Variants in VAV2 observed in about 807,000 individuals in gnomAD.
The protein encoded by VAV2 is guanine nucleotide exchange factor VAV2.
A neutral mutation model predicts 132.5 loss-of-function variants in VAV2; 67 were observed. That is an observed-to-expected ratio of 0.51 (90% CI 0.42 to 0.62). The LOEUF is 0.62. VAV2 is among the 20% of genes least tolerant of loss of function. VAV2 has a pLI of 0.00. For missense variants in VAV2, 938 were observed against 1,153.6 expected (o/e 0.81, Z 2.71); for synonymous variants, 492 against 443.5 (o/e 1.11, Z -1.37).
rs936853744 is a variant in VAV2, at chr9:133,768,428, G to A, written c.2589+14C>T. 2 of 1,610,968 alleles carry A rather than the reference G, an allele frequency of 1.2e-6. No homozygotes were observed. Among genetic ancestry groups the A allele is most frequent in the African/African-American group, 2.7e-5 (2 of 74,898 alleles). On this transcript the variant is annotated intron_variant, in intron 29 of 29. Transcript: ENST00000371850. The surrounding 1 kb of genome is among the most constrained non-coding windows in gnomAD (Gnocchi z 5.3). ...GCGAGGCCAGCCCCACACCCTCAGG[G>A]TGGGGCCACTCACCCGTCCGTTGGT...
At chr9:133,862,497 T>G (rs1299473226) in intron 2 of VAV2, among the ~76,000 whole-genome samples, 5 of 152,330 alleles carry the variant, frequency 3.3e-5, no homozygotes, top group Admixed American at 2.6e-4. Flanking sequence ...GTGTGACAGC[T>G]CGCGTGTGTG....
At position 133,809,087 on chromosome 9, in the gene VAV2, G is replaced by C; in HGVS notation, c.619C>G (p.Gln207Glu). 6.2e-7 allele frequency: 1 copy of C among 1,613,992 alleles called. No homozygotes were observed. The highest frequency in any genetic ancestry group is 1.3e-5 in the African/African-American group (1 of 75,058). ...CGGTAGTACTTGGCCTCGGTCTCCT[G>C]GATCTCCAGCAGGCAGCAGTTCCTC... is the stretch of plus-strand genomic sequence containing the variant. The part of the protein sequence containing the change: ...DKRNCCLLEI[Q>E]ETEAKYYRTL... The change falls in exon 7 of 30, where the codon CAG (glutamine) becomes GAG (glutamate). Residue 207 changes from glutamine (Q) to glutamate (E), a missense_variant. Coordinates refer to ENST00000371850, the MANE Select transcript of VAV2 (RefSeq NM_001134398.2).
At chr9:133,805,264 G>C (rs759339316) in intron 9 of VAV2, among the ~76,000 whole-genome samples, 1 of 152,124 alleles carries the variant, frequency 6.6e-6, no homozygotes, top group Non-Finnish European at 1.5e-5. Context: ...AGCAGACCCA[G>C]ACCCTTCCAA....
rs192061156 is a variant in VAV2, at chr9:133,844,995, C to T, written c.381-10655G>A. ...ACGCTCTGTCAGCTACTGGAAACAC[C>T]GTTCCTTTTTTTTACCTCTCCCTGA... On this transcript the variant is annotated intron_variant, in intron 3 of 29. Transcript: ENST00000371850. Among the ~76,000 whole-genome samples, 206 of 152,350 alleles carry T rather than the reference C, an allele frequency of 1.4e-3. 4 individuals carry two copies. The highest frequency in any genetic ancestry group is 0.011 in the Admixed American group (169 of 15,302).
chr9:133,853,458 C>T (rs59392029), intron 3 of VAV2, among the ~76,000 whole-genome samples: 5,256 of 152,234 alleles, frequency 0.035, 294 homozygotes, highest in African/African-American at 0.12. Context: ...CCTCTGCTGA[C>T]GCTTGCTTGT....
Position 133,991,982 on chromosome 9 carries a change from G to C in VAV2, c.204+93C>G. ...CCCGGCCGCCCCAGCCAGGGCGCCT[G>C]GGCCGCCGCCGCTGCGACCTCCGCG... On this transcript the variant is annotated intron_variant, in intron 1 of 29. Coordinates refer to ENST00000371850, the MANE Select transcript of VAV2 (RefSeq NM_001134398.2). The surrounding 1 kb of genome is among the most constrained non-coding windows in gnomAD (Gnocchi z 4.8). 3 of 1,120,672 alleles carry C rather than the reference G, an allele frequency of 2.7e-6. No homozygotes were observed. Among genetic ancestry groups the C allele is most frequent in the Non-Finnish European group, 2.2e-6 (2 of 895,550 alleles). 69.4% of individuals were successfully genotyped at this position (1,120,672 alleles called of 1,614,324 possible).
At chr9:133,967,299 C>T (rs1842173644) in intron 1 of VAV2, among the ~76,000 whole-genome samples, 4 of 152,168 alleles carry the variant, frequency 2.6e-5, no homozygotes, top group Non-Finnish European at 4.4e-5. Flanking sequence ...CACTAGTACA[C>T]TGCTGGTCAG....
chr9:133,801,822 C>A (rs1036042423), intron 9 of VAV2, among the ~76,000 whole-genome samples: 1 of 152,152 alleles, frequency 6.6e-6, no homozygotes, highest in African/African-American at 2.4e-5. Flanking sequence ...GCAGCCCCAG[C>A]CAGGAACACC....
In VAV2 at chr9:133,827,443, G is replaced by GACCACT. The variant is rs1564384503; in HGVS notation, c.449+6828_449+6829insAGTGGT. ...TGCCCACTGAGGCTGACCACTGAGT[G>GACCACT]GGGGCATCACCACCTACCGCTGCGC... On this transcript the variant is annotated intron_variant, in intron 4 of 29. Transcript: ENST00000371850. Among the ~76,000 whole-genome samples, 4 of 2,022 alleles carry GACCACT rather than the reference G, an allele frequency of 2.0e-3. 2 individuals are homozygous for GACCACT. Among genetic ancestry groups the GACCACT allele is most frequent in the Non-Finnish European group, 1.6e-3 (2 of 1,284 alleles). The allele number at this position is 2,022 out of a possible 152,430, so 1.3% of individuals were successfully genotyped here.
rs781095040 is a variant in VAV2 at position 133,788,442 on chromosome 9, T to C, written c.1319A>G (p.Lys440Arg). The change falls in exon 15 of 30, where the codon AAG (lysine) becomes AGG (arginine). Residue 440 changes from lysine to arginine, a missense_variant. Coordinates refer to ENST00000371850, the MANE Select transcript of VAV2 (RefSeq NM_001134398.2). This position sits in a 1 kb window ranked among gnomAD's most constrained non-coding sequence, Gnocchi z 5.3. The part of the protein sequence containing the change: ...FDKVVIVCKR[K>R]GYSYELKEII... ...CTCCTTGAGCTCGTAGCTGTAGCCC[T>C]TCCGCTTGCAGACGATGACCACCTT... 6.2e-7 allele frequency: 1 copy of C among 1,612,052 alleles called. No homozygotes were observed. Among genetic ancestry groups the C allele is most frequent in the Admixed American group, 1.7e-5 (1 of 59,984 alleles).
rs999501385 is a variant in VAV2 at position 133,824,250 on chromosome 9, C to T, written c.449+10022G>A. Among the ~76,000 whole-genome samples the T allele has an allele frequency of 2.6e-5, 4 of 152,200 alleles. No homozygotes were observed. Among genetic ancestry groups the T allele is most frequent in the African/African-American group, 4.8e-5 (2 of 41,456 alleles). Reference sequence around the variant, plus strand: ...TCCCGCCCAGCAGTCCCACAGCCACCTCCCGACGGGGACTGGGCTTGTCTA... The same window carrying T: ...TCCCGCCCAGCAGTCCCACAGCCACTTCCCGACGGGGACTGGGCTTGTCTA... On this transcript the variant is annotated intron_variant, in intron 4 of 29. Transcript: ENST00000371850. This position sits in a 1 kb window ranked among gnomAD's most constrained non-coding sequence, Gnocchi z 5.2.
At chr9:133,915,083 GGCCGGAAGA>G (rs1840029595) in intron 2 of VAV2, among the ~76,000 whole-genome samples, 1 of 152,110 alleles carries the variant, frequency 6.6e-6, no homozygotes, top group East Asian at 1.9e-4. Flanking sequence ...CAGGCCGCTT[GGCCGGAAGA>G]GCACCGGCCT....
At chr9:133,791,196 C>A (rs1160685106) in intron 13 of VAV2, among the ~76,000 whole-genome samples, 2 of 152,174 alleles carry the variant, frequency 1.3e-5, no homozygotes, top group African/African-American at 2.4e-5. Context: ...GGTGGCGCAT[C>A]CCCTCTCCCC....
At chr9:133,828,751 A>G (rs1836149318) in intron 4 of VAV2, among the ~76,000 whole-genome samples, 1 of 152,218 alleles carries the variant, frequency 6.6e-6, no homozygotes. Context: ...CTTGTCCCAC[A>G]ATAGCACAAT....
At chr9:133,791,663 C>T in intron 13 of VAV2, 120 bp downstream of exon 13, 1 of 880,124 alleles carries the variant, frequency 1.1e-6, no homozygotes, top group Non-Finnish European at 1.8e-6. Flanking sequence ...GCACCAGCCT[C>T]TCAACAGGCA....
At chr9:133,890,960 C>G (rs1226534734) in intron 2 of VAV2, among the ~76,000 whole-genome samples, 2 of 152,182 alleles carry the variant, frequency 1.3e-5, no homozygotes, top group African/African-American at 4.8e-5. Context: ...CCACCTTTCA[C>G]ACCTGATAAA....
intron 3 of VAV2, among the ~76,000 whole-genome samples, chr9:133,835,361 A>T (rs950957701): frequency 1.4e-5 from 2 of 140,246 alleles, no homozygotes; most frequent in African/African-American, 5.2e-5. Context: ...AACCACTCAG[A>T]GCTGAAATGT....
At chr9:133,835,049 T>C (rs781055069) in intron 3 of VAV2, among the ~76,000 whole-genome samples, 7 of 151,504 alleles carry the variant, frequency 4.6e-5, no homozygotes, top group Non-Finnish European at 1.0e-4. Context: ...TTCACGATGG[T>C]ATAGAAATAT....
intron 3 of VAV2, among the ~76,000 whole-genome samples, chr9:133,848,863 C>A (rs1837056481): frequency 6.6e-6 from 1 of 152,244 alleles, no homozygotes; most frequent in African/African-American, 2.4e-5. Context: ...GTTTCCACCA[C>A]AACCTGAATG....
Sources: gnomAD v4.1 joint callset for allele counts (sites outside exome capture counted in the v4.1 genomes callset) on GRCh38, gnomAD v4.1.1 for gene constraint, Gnocchi (gnomAD v3.1) non-coding constraint, MANE v1.5 for transcripts, NCBI Gene and HGNC (gene_info 2026-07-23, HGNC 2026-07-21) for gene names.